Variants in IL1RAPL2 observed in about 807,000 individuals in gnomAD.
The protein encoded by IL1RAPL2 is interleukin 1 receptor accessory protein like 2, also known as X-linked interleukin-1 receptor accessory protein-like 2.
In IL1RAPL2, 3 loss-of-function variants were observed where a neutral mutation model predicts 44.1. The observed-to-expected ratio is 0.07, with a 90% CI of 0.03 to 0.18. The LOEUF is 0.18. IL1RAPL2 is among the 10% of genes least tolerant of loss of function. The pLI is 1.00. For synonymous variants in IL1RAPL2, 181 were observed against 178.8 expected (o/e 1.01, Z -0.10); for missense variants, 391 against 496.4 (o/e 0.79, Z 2.02).
At chrX:105,655,395 A>G (rs1361080261) in intron 6 of IL1RAPL2, among the ~76,000 whole-genome samples, 1 of 112,394 alleles carries the variant, frequency 8.9e-6, no homozygotes, top group Non-Finnish European at 1.9e-5. Flanking sequence ...CAAAATAATC[A>G]TTTCTATTTC....
chrX:105,135,097 C>A (rs182157529), intron 2 of IL1RAPL2, among the ~76,000 whole-genome samples: 17 of 110,131 alleles, frequency 1.5e-4, no homozygotes, highest in Admixed American at 1.4e-3. Context: ...TTGTCCATCC[C>A]ATTTTCTGAG....
At chrX:105,052,706 C>CTT (rs371816795) in intron 2 of IL1RAPL2, among the ~76,000 whole-genome samples, 2 of 103,447 alleles carry the variant, frequency 1.9e-5, no homozygotes, top group Non-Finnish European at 4.0e-5. Flanking sequence ...TCAGCTGTTT[C>CTT]TTTTTTTTTT....
intron 2 of IL1RAPL2, among the ~76,000 whole-genome samples, chrX:104,910,125 G>A (rs927151192): frequency 3.6e-5 from 4 of 112,108 alleles, no homozygotes; most frequent in Non-Finnish European, 5.6e-5. Context: ...TCCAGGTGCC[G>A]TCCGTCACCC....
intron 6 of IL1RAPL2, among the ~76,000 whole-genome samples, chrX:105,659,088 T>C (rs1183878441): frequency 9.1e-6 from 1 of 110,180 alleles, no homozygotes; most frequent in Non-Finnish European, 1.9e-5. Flanking sequence ...GATCATGCCA[T>C]TGTGCTCCAG....
chrX:105,352,914 G>T (rs2035168115), intron 5 of IL1RAPL2, among the ~76,000 whole-genome samples: 1 of 109,012 alleles, frequency 9.2e-6, no homozygotes, highest in Non-Finnish European at 1.9e-5. Flanking sequence ...TTCTTTTGCT[G>T]TGCAGAAGCT....
chrX:105,275,291 C>T (rs2034477609), intron 5 of IL1RAPL2, among the ~76,000 whole-genome samples: 1 of 111,117 alleles, frequency 9.0e-6, no homozygotes, highest in Non-Finnish European at 1.9e-5. Flanking sequence ...ATTCCCAGCC[C>T]CCAAAGCATC....
intron 2 of IL1RAPL2, among the ~76,000 whole-genome samples, chrX:104,861,234 G>A: frequency 9.0e-6 from 1 of 111,350 alleles, no homozygotes; most frequent in Non-Finnish European, 1.9e-5. Context: ...TAAGGCTAAG[G>A]GGTGACCCTT....
At chrX:105,166,942 A>T (rs2033376194) in intron 2 of IL1RAPL2, among the ~76,000 whole-genome samples, 2 of 112,391 alleles carry the variant, frequency 1.8e-5, no homozygotes, top group Admixed American at 9.4e-5. Flanking sequence ...ATAAAAACTT[A>T]AACTAACTAC....
chrX:104,920,662 G>A (rs762204708), intron 2 of IL1RAPL2, among the ~76,000 whole-genome samples: 13 of 106,598 alleles, frequency 1.2e-4, no homozygotes, highest in South Asian at 4.5e-4. Flanking sequence ...TACACCCTGC[G>A]GAACCATGAG....
chrX:105,035,571 C>T (rs976489986), intron 2 of IL1RAPL2, among the ~76,000 whole-genome samples: 8 of 112,215 alleles, frequency 7.1e-5, no homozygotes, highest in Admixed American at 6.6e-4. Flanking sequence ...AAAAAATTAA[C>T]ATGGTTTAAT....
chrX:105,032,488 G>A (rs1009730936), intron 2 of IL1RAPL2, among the ~76,000 whole-genome samples: 28 of 111,256 alleles, frequency 2.5e-4, no homozygotes, highest in African/African-American at 5.9e-4. Context: ...TTATTTCCCC[G>A]TATTCATTCC....
intron 6 of IL1RAPL2, among the ~76,000 whole-genome samples, chrX:105,494,797 G>A (rs2036345385): frequency 9.0e-6 from 1 of 111,276 alleles, no homozygotes; most frequent in African/African-American, 3.3e-5. Flanking sequence ...TGGGACTACA[G>A]GGACACATCA....
intron 5 of IL1RAPL2, among the ~76,000 whole-genome samples, chrX:105,441,479 A>G (rs2035919819): frequency 9.0e-6 from 1 of 111,556 alleles, no homozygotes; most frequent in African/African-American, 3.3e-5. Flanking sequence ...AATTGATGTG[A>G]TTATCTTTCA....
intron 2 of IL1RAPL2, among the ~76,000 whole-genome samples, chrX:104,805,090 A>T (rs1932912835): frequency 9.0e-6 from 1 of 111,470 alleles, no homozygotes; most frequent in Admixed American, 9.5e-5. Flanking sequence ...CCACCTGTAA[A>T]ATTCCTATTT....
At chrX:105,367,730 A>G (rs1227768733) in intron 5 of IL1RAPL2, among the ~76,000 whole-genome samples, 1 of 111,502 alleles carries the variant, frequency 9.0e-6, no homozygotes, top group Non-Finnish European at 1.9e-5. Context: ...GTTGTTTATA[A>G]TAGTTTTATC....
chrX:104,957,667 G>A (rs761664501), intron 2 of IL1RAPL2, among the ~76,000 whole-genome samples: 3 of 111,980 alleles, frequency 2.7e-5, no homozygotes, highest in Non-Finnish European at 5.6e-5. Flanking sequence ...TCTTCATTTT[G>A]CTAAAGTTTA....
At chrX:104,883,285 G>A (rs1923124171) in intron 2 of IL1RAPL2, among the ~76,000 whole-genome samples, 1 of 111,531 alleles carries the variant, frequency 9.0e-6, no homozygotes, top group Admixed American at 9.5e-5. Flanking sequence ...AAAGCGACTA[G>A]TGCGGCCACC....
chrX:104,715,696 TAA>T (rs1931550250), intron 2 of IL1RAPL2, among the ~76,000 whole-genome samples: 1 of 102,399 alleles, frequency 9.8e-6, no homozygotes, highest in Non-Finnish European at 2.0e-5. Context: ...AAAAAAATAA[TAA>T]AATAAAATGC....
chrX:104,884,485 A>T (rs1167383449), intron 2 of IL1RAPL2, among the ~76,000 whole-genome samples: 1 of 111,361 alleles, frequency 9.0e-6, no homozygotes, highest in Non-Finnish European at 1.9e-5. Flanking sequence ...TGTCTTTCAG[A>T]TGGAAAACAC....
Sources: gnomAD v4.1 joint callset for allele counts (sites outside exome capture counted in the v4.1 genomes callset) on GRCh38, gnomAD v4.1.1 for gene constraint, MANE v1.5 for transcripts, NCBI Gene and HGNC (gene_info 2026-07-23, HGNC 2026-07-21) for gene names.